RPGR: variants seen among roughly 807,000 people sequenced by gnomAD.
RPGR encodes the protein retinitis pigmentosa GTPase regulator, also known as X-linked retinitis pigmentosa GTPase regulator.
Under a neutral mutation model 56.3 loss-of-function variants are expected in RPGR, and 10 were observed. That is an observed-to-expected ratio of 0.18 (90% confidence interval 0.11 to 0.30). The LOEUF is 0.30. Among genes scored for constraint, RPGR ranks in the 10% least tolerant of loss-of-function variants. RPGR has a pLI of 1.00. For missense variants in RPGR, 538 were observed against 590.9 expected (o/e 0.91, Z 0.93); for synonymous variants, 197 against 212.9 (o/e 0.93, Z 0.65).
intron 15 of RPGR, chrX:38,285,907 TCTC>T (rs1569235404): frequency 3.5e-6 from 4 of 1,131,098 alleles, no homozygotes; most frequent in South Asian, 1.9e-5. Context: ...TCCTTCCCCC[TCTC>T]CTTCCTCCCC....
rs765979499 is a variant in RPGR, at chrX:38,299,031, A to C, written c.1170T>G (p.Phe390Leu). The change falls in exon 10 of 19, where the codon TTT becomes TTG. Residue 390 changes from phenylalanine (F) to leucine (L), a missense_variant. Around this residue, in one of 2 missense-constraint regions of RPGR, gnomAD observed 357 missense variants for 325.8 expected, o/e 1.10. Coordinates refer to ENST00000642395, the MANE Select transcript of RPGR (RefSeq NM_000328.3). ...CTGAGGTTAAACTGCTATACGGCAG[A>C]AAAGTCGCCACAGATAAGCAAGTAT... The C allele has an allele frequency of 8.3e-6, 10 of 1,211,819 alleles. No homozygotes were observed. The Admixed American group carries it at 2.2e-4, about 26-fold the overall frequency.
chrX:38,299,233 T>C, intron 9 of RPGR, 92 bp from the exon 10 acceptor site: 1 of 938,509 alleles, frequency 1.1e-6, no homozygotes, highest in Non-Finnish European at 1.5e-6. Context: ...ATTTATTTAG[T>C]GGTAGGCTTC....
intron 8 of RPGR, chrX:38,303,832 A>G: frequency 3.4e-6 from 1 of 296,487 alleles, no homozygotes; most frequent in East Asian, 4.8e-5. Context: ...AAAAAGAAGG[A>G]AAAAAAGTAG....
intron 10 of RPGR, 150 bp downstream of exon 10, chrX:38,298,806 T>C: frequency 1.7e-6 from 1 of 572,310 alleles, no homozygotes. Flanking sequence ...GAATTAACTC[T>C]AAAAGTTTGT....
chrX:38,301,767 CAG>C (rs1232914262), intron 8 of RPGR, among the ~76,000 whole-genome samples: 5 of 111,159 alleles, frequency 4.5e-5, no homozygotes, highest in Admixed American at 1.9e-4. Flanking sequence ...ACTGATAGAT[CAG>C]AGTTTCTCAA....
rs747130152 is a variant in RPGR at position 38,273,452 on chromosome X, G to T, written c.2175C>A (p.Ser725Arg). 1 of 1,202,906 alleles carries T rather than the reference G, an allele frequency of 8.3e-7. No homozygotes were observed. The highest frequency in any genetic ancestry group is 1.1e-6 in the Non-Finnish European group (1 of 889,189). ...TGTTTTCTAGGATTTCTAATGAACT[G>T]CTATCTGCATCATCAAGCATGTATC... The change falls in exon 18 of 19, where the codon AGC becomes AGA. Residue 725 changes from serine (S) to arginine (R), a missense_variant. Ser to Arg is a moderately radical substitution (Grantham distance 110). Around this residue, in one of 2 missense-constraint regions of RPGR, gnomAD observed 357 missense variants for 325.8 expected, o/e 1.10. Coordinates refer to ENST00000642395, the MANE Select transcript of RPGR (RefSeq NM_000328.3).
chrX:38,291,586 T>C (rs1569241016), intron 11 of RPGR, 102 bp from the exon 12 acceptor site: 2 of 482,100 alleles, frequency 4.1e-6, no homozygotes, highest in African/African-American at 2.4e-5. Context: ...AGTGTAGGTA[T>C]AATTTTACTA....
intron 15 of RPGR, among the ~76,000 whole-genome samples, chrX:38,284,045 A>G (rs1266200248): frequency 1.8e-5 from 2 of 111,637 alleles, no homozygotes; most frequent in Non-Finnish European, 3.8e-5. Flanking sequence ...AAAACTTACA[A>G]TTGCTCCTAG....
rs199698616 is a variant in RPGR at position 38,298,509 on chromosome X, CAT to C, written c.1245+445_1245+446del. 2.7e-3 allele frequency: 746 copies of C among 272,413 alleles called. 8 individuals carry two copies. The highest frequency in any genetic ancestry group is 0.019 in the African/African-American group (669 of 34,696). The allele number at this position is 272,413 out of a possible 1,213,427, so 22.4% of individuals were successfully genotyped here. On this transcript the variant is annotated intron_variant, in intron 10 of 18. Transcript: ENST00000642395. ...TTAAGTTCTACAGATTTCTGAACAA[CAT>C]AACATTGTGCCTATAGTCAACAATA...
At chrX:38,317,248 A>AT in intron 6 of RPGR, 68 bp downstream of exon 6, 1 of 1,020,943 alleles carries the variant, frequency 9.8e-7, no homozygotes, top group Non-Finnish European at 1.4e-6. Context: ...AGACTATATC[A>AT]TTTCATTATT....
At chrX:38,296,309 C>T (rs746830658) in intron 11 of RPGR, among the ~76,000 whole-genome samples, 17 of 109,274 alleles carry the variant, frequency 1.6e-4, no homozygotes, top group Admixed American at 3.9e-4. Flanking sequence ...AGCGAGAATC[C>T]GTCTCAAAAA....
chrX:38,269,909 T>C, intron 18 of RPGR: 1 of 699,368 alleles, frequency 1.4e-6, no homozygotes, highest in Non-Finnish European at 2.2e-6. Context: ...GGGGATATCA[T>C]TTTCAACACG....
At chrX:38,308,045 A>C (rs2067637167) in intron 7 of RPGR, 1 of 112,082 alleles carries the variant, frequency 8.9e-6, no homozygotes, top group Admixed American at 9.6e-5. Flanking sequence ...TTCACTGTTT[A>C]CAAAGTTATT....
intron 15 of RPGR, among the ~76,000 whole-genome samples, chrX:38,282,569 T>G (rs755989571): frequency 2.7e-5 from 3 of 111,650 alleles, no homozygotes; most frequent in Non-Finnish European, 3.8e-5. Context: ...AGTAAAAAAC[T>G]GTCTCCCAAA....
chrX:38,315,833 A>T (rs922254268), intron 6 of RPGR, among the ~76,000 whole-genome samples: 8 of 89,993 alleles, frequency 8.9e-5, no homozygotes, highest in Non-Finnish European at 1.5e-4. Flanking sequence ...ATATATATAT[A>T]TATATAGAGA....
At chrX:38,283,900 T>C (rs1490052353) in intron 15 of RPGR, among the ~76,000 whole-genome samples, 1 of 111,806 alleles carries the variant, frequency 8.9e-6, no homozygotes, top group Admixed American at 9.5e-5. Flanking sequence ...GTTCGGCACA[T>C]ATATTTTTAT....
At chrX:38,275,264 G>A (rs2147166188) in intron 16 of RPGR, 1 of 550,068 alleles carries the variant, frequency 1.8e-6, no homozygotes, top group East Asian at 3.6e-5. Flanking sequence ...ATAAACATGT[G>A]ACAATTACTT....
chrX:38,290,926 C>T, intron 13 of RPGR, 33 bp downstream of exon 13: 1 of 772,849 alleles, frequency 1.3e-6, no homozygotes, highest in Non-Finnish European at 1.9e-6. Context: ...CTGCTCTCAC[C>T]AACAATAACG....
intron 13 of RPGR, among the ~76,000 whole-genome samples, chrX:38,290,361 C>T (rs1312218802): frequency 9.0e-6 from 1 of 111,618 alleles, no homozygotes; most frequent in African/African-American, 3.3e-5. Flanking sequence ...GTGAAAACCA[C>T]AGCCTATTCC....
Sources: gnomAD v4.1 joint callset for allele counts (sites outside exome capture counted in the v4.1 genomes callset) on GRCh38, gnomAD v4.1.1 for gene constraint, gnomAD v4.1.1 regional missense constraint, MANE v1.5 for transcripts, NCBI Gene and HGNC (gene_info 2026-07-23, HGNC 2026-07-21) for gene names.